The following CACNA2D3 variants were observed in gnomAD, a reference collection of about 807,000 sequenced individuals.
CACNA2D3 encodes calcium voltage-gated channel auxiliary subunit alpha2delta 3, also known as voltage-dependent calcium channel subunit alpha-2/delta-3.
Under a neutral mutation model 160.6 loss-of-function variants are expected in CACNA2D3, and 60 were observed. The ratio of observed to expected loss-of-function variants is 0.37; its 90% confidence interval spans 0.30 to 0.46. The LOEUF is 0.46. Ranked by LOEUF, CACNA2D3 falls within the 20% of genes least tolerant of loss-of-function variation. The pLI, the probability that CACNA2D3 is intolerant of heterozygous loss-of-function variation, is 1.00. For missense variants in CACNA2D3, 1,205 were observed against 1,365.0 expected, an observed-to-expected ratio of 0.88 and a Z score of 1.85; for synonymous variants, 558 against 492.9, an observed-to-expected ratio of 1.13 and a Z score of -1.75.
At chr3:54,243,592 A>C (rs1702013634) in intron 2 of CACNA2D3, among the ~76,000 whole-genome samples, 1 of 152,188 alleles carries the variant, frequency 6.6e-6, no homozygotes, top group Non-Finnish European at 1.5e-5. Context: ...GTTCTTACTA[A>C]AAAAGATTAG....
chr3:54,928,354 G>A (rs183484689), intron 27 of CACNA2D3, among the ~76,000 whole-genome samples: 36 of 152,196 alleles, frequency 2.4e-4, no homozygotes, highest in Admixed American at 1.7e-3. Context: ...TTCTTAATCC[G>A]GCTGTGGCTT....
intron 9 of CACNA2D3, among the ~76,000 whole-genome samples, chr3:54,595,758 T>C (rs1426545892): frequency 2.6e-5 from 4 of 152,078 alleles, no homozygotes; most frequent in Non-Finnish European, 5.9e-5. Context: ...ATATCAATAA[T>C]AAAGAGCACT....
intron 29 of CACNA2D3, among the ~76,000 whole-genome samples, chr3:54,979,248 G>A (rs1321399013): frequency 6.6e-6 from 1 of 152,120 alleles, no homozygotes; most frequent in African/African-American, 2.4e-5. Flanking sequence ...TGTAGACAAG[G>A]TATGAGGCTA....
At chr3:54,434,310 T>C (rs1214889096) in intron 4 of CACNA2D3, among the ~76,000 whole-genome samples, 1 of 152,154 alleles carries the variant, frequency 6.6e-6, no homozygotes, top group African/African-American at 2.4e-5. Flanking sequence ...CGATGAAAGT[T>C]TGGGCTATCA....
intron 11 of CACNA2D3, among the ~76,000 whole-genome samples, chr3:54,650,039 A>G (rs1020639471): frequency 6.6e-6 from 1 of 152,106 alleles, no homozygotes; most frequent in African/African-American, 2.4e-5. Flanking sequence ...TCACTGCATG[A>G]ACTGACCCTC....
chr3:54,611,866 A>G (rs1209786237), intron 9 of CACNA2D3, among the ~76,000 whole-genome samples: 7 of 152,248 alleles, frequency 4.6e-5, no homozygotes, highest in African/African-American at 1.2e-4. Context: ...TTTTAAATAA[A>G]TGAATTCAGC....
chr3:54,786,061 TTA>T (rs945451524), intron 13 of CACNA2D3, among the ~76,000 whole-genome samples: 1 of 152,138 alleles, frequency 6.6e-6, no homozygotes, highest in Admixed American at 6.6e-5. Context: ...TACCTAATCT[TTA>T]TGTTTCAAGT....
At chr3:54,498,584 T>A (rs1220908289) in intron 4 of CACNA2D3, among the ~76,000 whole-genome samples, 1 of 151,966 alleles carries the variant, frequency 6.6e-6, no homozygotes. Flanking sequence ...TCTGTACTTA[T>A]CTCTATTACT....
At chr3:54,487,376 A>G (rs1328352290) in intron 4 of CACNA2D3, among the ~76,000 whole-genome samples, 1 of 152,050 alleles carries the variant, frequency 6.6e-6, no homozygotes, top group African/African-American at 2.4e-5. Flanking sequence ...TCAAAGGGGG[A>G]AAAAAACCAG....
At chr3:54,664,483 T>TC (rs1197676488) in intron 11 of CACNA2D3, among the ~76,000 whole-genome samples, 6 of 152,160 alleles carry the variant, frequency 3.9e-5, no homozygotes, top group Non-Finnish European at 8.8e-5. Context: ...CACCGCCACC[T>TC]CCCCCTTTCA....
intron 5 of CACNA2D3, among the ~76,000 whole-genome samples, chr3:54,516,660 C>T (rs1249397409): frequency 6.6e-6 from 1 of 152,184 alleles, no homozygotes; most frequent in Non-Finnish European, 1.5e-5. Flanking sequence ...AGTCTGGTTG[C>T]CCACTAGTGC....
At chr3:54,813,904 G>T (rs376620487) in intron 13 of CACNA2D3, among the ~76,000 whole-genome samples, 11 of 133,846 alleles carry the variant, frequency 8.2e-5, no homozygotes, top group Admixed American at 1.7e-4. Context: ...TCACTCTGTC[G>T]CCCAGGCTGG....
At chr3:54,694,773 T>C (rs1211669920) in intron 11 of CACNA2D3, among the ~76,000 whole-genome samples, 2 of 152,234 alleles carry the variant, frequency 1.3e-5, no homozygotes, top group African/African-American at 2.4e-5. Context: ...CATTCCCTTT[T>C]CTTCTTTTGT....
At chr3:54,216,973 T>C (rs1701474367) in intron 2 of CACNA2D3, among the ~76,000 whole-genome samples, 1 of 152,014 alleles carries the variant, frequency 6.6e-6, no homozygotes, top group African/African-American at 2.4e-5. Flanking sequence ...TTCCAGGCGG[T>C]GACAAGTGCG....
chr3:54,646,180 CTCCCTCCTTCCTTGCT>C (rs1480160167), intron 11 of CACNA2D3, among the ~76,000 whole-genome samples: 3,281 of 30,086 alleles, frequency 0.11, 534 homozygotes, highest in Non-Finnish European at 0.15. Context: ...CCCTCCCTCC[CTCCCTCCTTCCTTGCT>C]TCCTTCCTTC....
At chr3:54,779,795 G>T (rs1702497702) in intron 13 of CACNA2D3, among the ~76,000 whole-genome samples, 1 of 152,162 alleles carries the variant, frequency 6.6e-6, no homozygotes, top group Non-Finnish European at 1.5e-5. Flanking sequence ...TCCCCTATAG[G>T]TTTTCTTCAT....
At chr3:54,342,282 G>A (rs1265908471) in intron 3 of CACNA2D3, among the ~76,000 whole-genome samples, 1 of 152,170 alleles carries the variant, frequency 6.6e-6, no homozygotes, top group Non-Finnish European at 1.5e-5. Context: ...AGGCATTAGA[G>A]GGATTTAAAG....
At chr3:54,141,098 C>CGCGCACATGCGT (rs59730153) in intron 2 of CACNA2D3, among the ~76,000 whole-genome samples, 1 of 64,744 alleles carries the variant, frequency 1.5e-5, no homozygotes, top group African/African-American at 4.6e-5. Flanking sequence ...CGCGCGCGCG[C>CGCGCACATGCGT]GTGTGTGCAT....
intron 9 of CACNA2D3, among the ~76,000 whole-genome samples, chr3:54,599,722 T>G (rs1486164684): frequency 2.0e-5 from 3 of 152,226 alleles, no homozygotes; most frequent in Non-Finnish European, 4.4e-5. Flanking sequence ...AAACTTTAAT[T>G]ATTTCTGTGG....
Sources: gnomAD v4.1 joint callset for allele counts (sites outside exome capture counted in the v4.1 genomes callset) on GRCh38, gnomAD v4.1.1 for gene constraint, MANE v1.5 for transcripts, NCBI Gene and HGNC (gene_info 2026-07-23, HGNC 2026-07-21) for gene names.